Variants in ATG2B observed in about 807,000 individuals in gnomAD.
ATG2B encodes the protein autophagy-related protein 2 homolog B.
Under a neutral mutation model 241.3 loss-of-function variants are expected in ATG2B, and 121 were observed. The ratio of observed to expected loss-of-function variants is 0.50; its 90% CI spans 0.43 to 0.58. ATG2B has a LOEUF of 0.58. Ranked by LOEUF, ATG2B falls within the 20% of genes least tolerant of loss-of-function variation. The pLI is 0.00. For missense variants in ATG2B, 2,306 were observed against 2,491.6 expected, an observed-to-expected ratio of 0.93 and a Z score of 1.59; for synonymous variants, 858 against 876.6, an observed-to-expected ratio of 0.98 and a Z score of 0.37.
chr14:96,285,757 A>G lies in ATG2B; in HGVS notation c.6235T>C (p.Ter2079ArgextTer43). The G allele has an allele frequency of 1.2e-6, 2 of 1,613,652 alleles. No homozygotes were observed. The highest frequency in any genetic ancestry group is 1.7e-6 in the Non-Finnish European group (2 of 1,179,910). Residue 2079 changes from the stop codon to arginine, a stop_lost, in exon 42 of 42, where the codon TGA becomes CGA. Coordinates refer to ENST00000359933, the MANE Select transcript of ATG2B (RefSeq NM_018036.7). The surrounding 1 kb of genome is among the most constrained non-coding windows in gnomAD (Gnocchi z 4.2). ...ESQKWRHGDD[*>R] ...TTCACACTGTCAGTTCCAAGCCATC[A>G]GTCATCCCCGTGGCGCCATTTCTGT... is the stretch of plus-strand genomic sequence containing the variant.
chr14:96,331,554 C>G lies in ATG2B; in HGVS notation c.1552G>C (p.Val518Leu). ...RLAVGTFSISVLHIDPLSPPE... is the reference protein window; with the variant it reads ...RLAVGTFSISLLHIDPLSPPE... The stretch of plus-strand genomic sequence containing the variant: ...GGAGATAAAGGATCAATGTGAAGCA[C>G]AGAGATTGAAAAAGTTCCCACAGCT... Residue 518 changes from valine (V) to leucine (L), a missense_variant, in exon 11 of 42, where the codon GTG becomes CTG. Transcript: ENST00000359933. 6.2e-7 allele frequency: 1 copy of G among 1,614,030 alleles called. No homozygotes were observed. Among genetic ancestry groups the G allele is most frequent in the Non-Finnish European group, 8.5e-7 (1 of 1,179,954 alleles).
chr14:96,319,734 T>G (rs1329335268), intron 18 of ATG2B, among the ~76,000 whole-genome samples: 1 of 152,210 alleles, frequency 6.6e-6, no homozygotes, highest in Non-Finnish European at 1.5e-5. Context: ...GTGGGAAATA[T>G]GCATTCAAGT....
At position 96,324,000 on chromosome 14, in the gene ATG2B, T is replaced by TAA. The variant is rs34296665; in HGVS notation, c.2438-4_2438-3dup. On this transcript the variant is annotated splice_polypyrimidine_tract_variant and splice_region_variant and intron_variant, in intron 15 of 41. Coordinates refer to ENST00000359933, the MANE Select transcript of ATG2B (RefSeq NM_018036.7). The stretch of plus-strand genomic sequence containing the variant: ...CTCCTTTCTCTTCCTGGAACGATCC[T>TAA]AAAAAAAAAGACTGATTTACTGAAA... The TAA allele has an allele frequency of 4.7e-4, 714 of 1,518,220 alleles. No homozygotes were observed. Among genetic ancestry groups the TAA allele is most frequent in the Middle Eastern group, 8.8e-4 (5 of 5,688 alleles). The allele number at this position is 1,518,220 out of a possible 1,614,324, so 94.0% of individuals were successfully genotyped here.
In ATG2B at chr14:96,341,474, T is replaced by C. The variant is rs1287832357; in HGVS notation, c.924+48A>G. 2.8e-6 allele frequency: 4 copies of C among 1,425,652 alleles called. No individual in the cohort carries two copies. The Admixed American group carries it at 6.2e-5, about 22-fold the overall frequency. The allele number at this position is 1,425,652 out of a possible 1,614,324, so 88.3% of individuals were successfully genotyped here. Reference sequence around the variant, plus strand: ...AATCACTGCATAGAATAAAGAATACTTGTACTTTTATTTTGGTTTTACTAC... The same window carrying C: ...AATCACTGCATAGAATAAAGAATACCTGTACTTTTATTTTGGTTTTACTAC... On this transcript the variant is annotated intron_variant, in intron 6 of 41. Coordinates refer to ENST00000359933, the MANE Select transcript of ATG2B (RefSeq NM_018036.7).
chr14:96,280,350 A>C lies in ATG2B; in HGVS notation c.*5405T>G, dbSNP rs1224606096. ...GTGAGCAAGTTTCTTGACCTCTCTG[A>C]ACCTGTCTCCTCATCTGGAAAACAG... On this transcript the variant is annotated 3_prime_UTR_variant, in exon 42 of 42. Transcript: ENST00000359933. 6.6e-6 allele frequency: 1 copy of C among 152,194 alleles called. No individual in the cohort carries two copies. The highest frequency in any genetic ancestry group is 2.4e-5 in the African/African-American group (1 of 41,430). 9.4% of individuals were successfully genotyped at this position (152,194 alleles called of 1,614,324 possible).
At chr14:96,316,726 G>A (rs759623493) in intron 20 of ATG2B, 43 bp from the exon 21 acceptor site, 19 of 1,551,910 alleles carry the variant, frequency 1.2e-5, no homozygotes, top group Non-Finnish European at 1.5e-5. Flanking sequence ...TTACTTAAAT[G>A]CAGAAAAGTA....
chr14:96,362,716 C>G (rs1595340899), intron 1 of ATG2B, 99 bp downstream of exon 1: 5 of 1,255,796 alleles, frequency 4.0e-6, no homozygotes, highest in Non-Finnish European at 1.1e-6. Context: ...AAACAATTCC[C>G]AAGGAGGGAC....
intron 15 of ATG2B, 123 bp from the exon 16 acceptor site, chr14:96,324,121 G>A (rs1887530164): frequency 7.8e-6 from 5 of 644,422 alleles, no homozygotes; most frequent in Non-Finnish European, 1.3e-5. Flanking sequence ...GCATTTTTCA[G>A]TTGTTCTGGT....
chr14:96,347,066 A>T, intron 2 of ATG2B, 113 bp downstream of exon 2: 1 of 916,268 alleles, frequency 1.1e-6, no homozygotes, highest in Non-Finnish European at 1.5e-6. Flanking sequence ...ATGTATTATC[A>T]ACTGAAAATT....
At chr14:96,349,768 G>A (rs1198407380) in intron 1 of ATG2B, among the ~76,000 whole-genome samples, 3 of 152,162 alleles carry the variant, frequency 2.0e-5, no homozygotes, top group Admixed American at 1.3e-4. Flanking sequence ...CACATTTAAG[G>A]AGACATCTAG....
intron 10 of ATG2B, 112 bp from the exon 11 acceptor site, chr14:96,331,749 T>TG: frequency 2.4e-6 from 2 of 842,294 alleles, no homozygotes; most frequent in Non-Finnish European, 3.6e-6. Flanking sequence ...CATACAACAG[T>TG]TTGAATGATA....
chr14:96,355,767 T>C (rs747199395), intron 1 of ATG2B, among the ~76,000 whole-genome samples: 1 of 152,228 alleles, frequency 6.6e-6, no homozygotes, highest in Admixed American at 6.5e-5. Flanking sequence ...CATTAAATTA[T>C]ATATTTCTTC....
rs778269081 is a variant in ATG2B at position 96,328,309 on chromosome 14, A to G, written c.2163+38T>C. On this transcript the variant is annotated intron_variant, in intron 14 of 41. Coordinates refer to ENST00000359933, the MANE Select transcript of ATG2B (RefSeq NM_018036.7). Reference sequence around the variant, plus strand: ...ATCTCAATAACCCTATTAGCTAACCATAATTATGATTAGTATTTGCAGCTT... The same window carrying G: ...ATCTCAATAACCCTATTAGCTAACCGTAATTATGATTAGTATTTGCAGCTT... 4.8e-6 allele frequency: 7 copies of G among 1,467,696 alleles called. No individual in the cohort carries two copies. In the Admixed American group the frequency reaches 9.6e-5, roughly 20 times the overall value. 90.9% of individuals were successfully genotyped at this position (1,467,696 alleles called of 1,614,324 possible). A position where few individuals can be genotyped will look rare whatever the true frequency, so the allele number is the denominator to read the frequency against.
rs1887342393 is a variant in ATG2B at position 96,317,303 on chromosome 14, A to T, written c.3052T>A (p.Ser1018Thr). 1.2e-6 allele frequency: 2 copies of T among 1,611,786 alleles called. No individual in the cohort carries two copies. Among genetic ancestry groups the T allele is most frequent in the Admixed American group, 1.7e-5 (1 of 59,624 alleles). Reference sequence around the variant, plus strand: ...AAATACTGCAAAGTCTCCTCCTCAGATCCACTTTCCTCATCTATGAGAAAT... The same window carrying T: ...AAATACTGCAAAGTCTCCTCCTCAGTTCCACTTTCCTCATCTATGAGAAAT... ...SAVHYDEESG[S>T]EEETLQYFST... The change falls in exon 20 of 42, where the codon TCT (serine) becomes ACT (threonine). Residue 1018 changes from serine (S) to threonine (T), a missense_variant. Around this residue, in one of 2 missense-constraint regions of ATG2B, gnomAD observed 1,927 missense variants for 2,011.2 expected, o/e 0.96. Transcript: ENST00000359933.
intron 36 of ATG2B, among the ~76,000 whole-genome samples, chr14:96,292,762 G>T (rs537357595): frequency 6.6e-6 from 1 of 152,186 alleles, no homozygotes; most frequent in Non-Finnish European, 1.5e-5. Context: ...TATAGGGAAC[G>T]GTGTGAGAAT....
chr14:96,326,034 G>T, intron 14 of ATG2B, 112 bp from the exon 15 acceptor site: 6 of 1,030,480 alleles, frequency 5.8e-6, no homozygotes, highest in Non-Finnish European at 1.3e-6. Context: ...TTGGTATAAT[G>T]CATTAAAAGT....
chr14:96,338,663 A>G (rs1473456769), intron 6 of ATG2B, among the ~76,000 whole-genome samples: 1 of 152,166 alleles, frequency 6.6e-6, no homozygotes, highest in Non-Finnish European at 1.5e-5. Context: ...AGATGTAAAT[A>G]TAAGACTTGA....
intron 34 of ATG2B, among the ~76,000 whole-genome samples, chr14:96,297,703 C>T (rs918203210): frequency 1.3e-5 from 2 of 151,964 alleles, no homozygotes; most frequent in Non-Finnish European, 2.9e-5. Context: ...GGCCACTAAT[C>T]ACTAGCTTTT....
rs8019315 is a variant in ATG2B, at chr14:96,279,658, A to G, written c.*6097T>C. ...TGAAGTGGAGCCTCCGGGCTGAGACAGCAGGAGCAGCCAGAGATCCCGACA... is the reference window on the plus strand; with the variant it reads ...TGAAGTGGAGCCTCCGGGCTGAGACGGCAGGAGCAGCCAGAGATCCCGACA... On this transcript the variant is annotated 3_prime_UTR_variant, in exon 42 of 42. Coordinates refer to ENST00000359933, the MANE Select transcript of ATG2B (RefSeq NM_018036.7). 124,713 of 152,248 alleles carry G rather than the reference A, an allele frequency of 0.82. 51,592 individuals carry two copies. Among genetic ancestry groups the G allele is most frequent in the African/African-American group, 0.94 (39,013 of 41,576 alleles). The allele number at this position is 152,248 out of a possible 1,614,324, so 9.4% of individuals were successfully genotyped here.
Sources: allele counts gnomAD v4.1 joint callset (sites outside exome capture counted in the v4.1 genomes callset), GRCh38; gene constraint gnomAD v4.1.1; regional missense constraint gnomAD v4.1.1; non-coding constraint Gnocchi (gnomAD v3.1); transcripts MANE v1.5; gene names NCBI Gene and HGNC (gene_info 2026-07-23, HGNC 2026-07-21).